Variants in MAP3K13 observed in about 807,000 individuals in gnomAD.
MAP3K13 encodes the protein mitogen-activated protein kinase kinase kinase 13.
A neutral mutation model predicts 104.0 loss-of-function variants in MAP3K13; 52 were observed. That is an observed-to-expected ratio of 0.50 (90% confidence interval 0.40 to 0.63). The LOEUF (loss-of-function observed/expected upper bound fraction) is 0.63. Among genes scored for constraint, MAP3K13 ranks in the 20% least tolerant of loss-of-function variants. MAP3K13 has a pLI of 0.00. For missense variants in MAP3K13, 914 were observed against 1,218.5 expected, an observed-to-expected ratio of 0.75 and a Z score of 3.72; for synonymous variants, 394 against 442.2, an observed-to-expected ratio of 0.89 and a Z score of 1.37.
rs1722345511 is a variant in MAP3K13, at chr3:185,333,160, G to A, written c.-86+47517G>A. 2.0e-5 allele frequency among the ~76,000 whole-genome samples: 3 copies of A among 152,000 alleles called. No homozygotes were observed. In the South Asian group the frequency reaches 6.2e-4, roughly 31 times the overall value. On this transcript the variant is annotated intron_variant, in intron 2 of 14. Transcript: ENST00000424227. ...ACATTTTTTGTTCTTGTGCCCTTGAGTTTTCCAAATTTATAAGCTAGTCTA... is the reference window on the plus strand; with the variant it reads ...ACATTTTTTGTTCTTGTGCCCTTGAATTTTCCAAATTTATAAGCTAGTCTA...
chr3:185,357,183 G>A (rs1034449191), intron 2 of MAP3K13, among the ~76,000 whole-genome samples: 9 of 151,178 alleles, frequency 6.0e-5, no homozygotes, highest in Non-Finnish European at 5.9e-5. Context: ...AGTGGCTCAC[G>A]CCCGTAATCC....
intron 2 of MAP3K13, among the ~76,000 whole-genome samples, chr3:185,286,110 A>G (rs1380190549): frequency 6.6e-6 from 1 of 152,058 alleles, no homozygotes; most frequent in African/African-American, 2.4e-5. Context: ...TCGTTTCTTT[A>G]TTCTGCCTTA....
chr3:185,465,831 G>A lies in MAP3K13; in HGVS notation c.1473G>A (p.Leu491=). The A allele has an allele frequency of 6.2e-7, 1 of 1,613,986 alleles. No individual in the cohort carries two copies. Among genetic ancestry groups the A allele is most frequent in the Non-Finnish European group, 8.5e-7 (1 of 1,179,854 alleles). ...NLYMELSAIM[L]QLEMREKELI... is the part of the protein sequence containing the mutation. ...ACATGGAATTGAGTGCCATCATGCTGCAGCTAGAAATGCGGGAGAAGGAGC... is the reference window on the plus strand; with the variant it reads ...ACATGGAATTGAGTGCCATCATGCTACAGCTAGAAATGCGGGAGAAGGAGC... The change falls in exon 9 of 14, where the codon CTG becomes CTA. Residue 491 remains leucine (L), a synonymous_variant. Coordinates refer to ENST00000265026, the MANE Select transcript of MAP3K13 (RefSeq NM_004721.5).
At position 185,380,356 on chromosome 3, in the gene MAP3K13, C is replaced by T. The variant is rs1000755849; in HGVS notation, c.-86+16988C>T. On this transcript the variant is annotated intron_variant, in intron 1 of 13. Coordinates refer to ENST00000265026, the MANE Select transcript of MAP3K13 (RefSeq NM_004721.5). ...TGAAACCCCATCTCTACTAAAAATA[C>T]AAAAATTAACTGGGCATGGTGTTGC... Among the ~76,000 whole-genome samples the T allele has an allele frequency of 8.6e-5, 13 of 151,610 alleles. 1 individual carries two copies. Among genetic ancestry groups the T allele is most frequent in the African/African-American group, 2.4e-4 (10 of 41,328 alleles).
Position 185,395,357 on chromosome 3 carries a change from C to CTTTTTTTTTTTTTTTT in MAP3K13, c.-86+31993_-86+32008dup, listed in dbSNP as rs770336517. ...AGGCATTTCTAATTCAATATTATTT[C>CTTTTTTTTTTTTTTTT]TTTTTTTTTTTTTTTTTTTGAGACG... On this transcript the variant is annotated intron_variant, in intron 1 of 13. Transcript: ENST00000265026. 4.3e-4 allele frequency among the ~76,000 whole-genome samples: 30 copies of CTTTTTTTTTTTTTTTT among 69,978 alleles called. 4 individuals are homozygous for CTTTTTTTTTTTTTTTT. The highest frequency in any genetic ancestry group is 1.6e-3 in the East Asian group (3 of 1,874). The allele number at this position is 69,978 out of a possible 152,430, so 45.9% of individuals were successfully genotyped here.
chr3:185,315,389 A>T lies in MAP3K13; in HGVS notation c.-86+29746A>T, dbSNP rs1055821970. 1.6e-4 allele frequency among the ~76,000 whole-genome samples: 25 copies of T among 152,160 alleles called. No homozygotes were observed. The highest frequency in any genetic ancestry group is 5.8e-4 in the African/African-American group (24 of 41,442). ...TGTGTGTATGTCTTAACAAAAACAGATTGCTGGGTTCTACCCTAGAGTTTC... is the reference window on the plus strand; with the variant it reads ...TGTGTGTATGTCTTAACAAAAACAGTTTGCTGGGTTCTACCCTAGAGTTTC... On this transcript the variant is annotated intron_variant, in intron 2 of 14. Coordinates refer to the MAP3K13 transcript ENST00000424227. The surrounding 1 kb of genome is among the most constrained non-coding windows in gnomAD (Gnocchi z 4.3).
intron 2 of MAP3K13, among the ~76,000 whole-genome samples, chr3:185,343,484 C>T (rs552693035): frequency 3.5e-4 from 54 of 152,232 alleles, no homozygotes; most frequent in Admixed American, 5.9e-4. Flanking sequence ...GACGGCATCT[C>T]GCTCTGTCGC....
chr3:185,347,616 A>T (rs1332423161), intron 2 of MAP3K13, among the ~76,000 whole-genome samples: 1 of 152,214 alleles, frequency 6.6e-6, no homozygotes, highest in Non-Finnish European at 1.5e-5. Context: ...AGCAGAAAGC[A>T]TTCTTTCATT....
At chr3:185,346,813 G>C (rs1269996302) in intron 2 of MAP3K13, among the ~76,000 whole-genome samples, 1 of 151,986 alleles carries the variant, frequency 6.6e-6, no homozygotes, top group Admixed American at 6.6e-5. Flanking sequence ...CCTTTCCAAA[G>C]GGTGCAAGAT....
At chr3:185,321,297 A>C (rs1311504826) in intron 2 of MAP3K13, among the ~76,000 whole-genome samples, 1 of 152,198 alleles carries the variant, frequency 6.6e-6, no homozygotes, top group Non-Finnish European at 1.5e-5. Context: ...CGTGTTTTAC[A>C]TATGTATGTG....
chr3:185,313,373 G>A (rs770997928), intron 2 of MAP3K13, among the ~76,000 whole-genome samples: 3 of 149,876 alleles, frequency 2.0e-5, no homozygotes, highest in Non-Finnish European at 4.4e-5. Flanking sequence ...GGGTTCAAGC[G>A]ATTCTTCTGC....
At chr3:185,426,129 A>G (rs1010574378) in intron 1 of MAP3K13, among the ~76,000 whole-genome samples, 12 of 151,876 alleles carry the variant, frequency 7.9e-5, no homozygotes, top group Non-Finnish European at 1.5e-4. Context: ...CGCCCAGGCT[A>G]GAGTGTAGTA....
intron 2 of MAP3K13, among the ~76,000 whole-genome samples, chr3:185,297,265 T>C (rs1163863011): frequency 1.3e-5 from 2 of 152,254 alleles, no homozygotes; most frequent in African/African-American, 4.8e-5. Flanking sequence ...GCTTATGTCA[T>C]GTCCAGGACA....
chr3:185,351,729 G>A (rs1723146728), intron 2 of MAP3K13, among the ~76,000 whole-genome samples: 3 of 152,136 alleles, frequency 2.0e-5, no homozygotes, highest in South Asian at 2.1e-4. Flanking sequence ...GAATAGCCAC[G>A]TAACACCAAG....
At position 185,462,609 on chromosome 3, in the gene MAP3K13, C is replaced by A. The variant is rs551786623; in HGVS notation, c.1279-941C>A. On this transcript the variant is annotated intron_variant, in intron 7 of 13. Coordinates refer to ENST00000265026, the MANE Select transcript of MAP3K13 (RefSeq NM_004721.5). ...ACAACAAGGTGAAATCCCGCCTCTA[C>A]TAAAAATACAAAAATTAGCCGGGTG... Among the ~76,000 whole-genome samples the A allele has an allele frequency of 2.0e-5, 3 of 152,154 alleles. No homozygotes were observed. In the South Asian group the frequency reaches 6.2e-4, roughly 32 times the overall value.
intron 7 of MAP3K13, among the ~76,000 whole-genome samples, chr3:185,461,669 T>C (rs1178271320): frequency 6.6e-6 from 1 of 152,116 alleles, no homozygotes; most frequent in Non-Finnish European, 1.5e-5. Context: ...TTCAAGCGGT[T>C]CTCCTGCCTC....
chr3:185,318,994 C>A (rs546457664), intron 2 of MAP3K13, among the ~76,000 whole-genome samples: 1 of 152,094 alleles, frequency 6.6e-6, no homozygotes, highest in African/African-American at 2.4e-5. Context: ...GTTAATAATT[C>A]TCTTGCGGTT....
At chr3:185,374,183 A>G (rs1724305552) in intron 1 of MAP3K13, among the ~76,000 whole-genome samples, 1 of 152,124 alleles carries the variant, frequency 6.6e-6, no homozygotes, top group East Asian at 1.9e-4. Context: ...ATCTAGATGT[A>G]TACTGCAGGT....
chr3:185,451,618 G>A, intron 7 of MAP3K13: 1 of 384,034 alleles, frequency 2.6e-6, no homozygotes, highest in Non-Finnish European at 4.8e-6. Context: ...TTGGCCGGGT[G>A]CACTTTGGGA....
Sources: gnomAD v4.1 joint callset for allele counts (sites outside exome capture counted in the v4.1 genomes callset) on GRCh38, gnomAD v4.1.1 for gene constraint, Gnocchi (gnomAD v3.1) non-coding constraint, MANE v1.5 for transcripts, NCBI Gene and HGNC (gene_info 2026-07-23, HGNC 2026-07-21) for gene names.